The following AGAP1 variants were observed in gnomAD, a reference collection of about 807,000 sequenced individuals.
AGAP1 encodes the protein ArfGAP with GTPase domain, ankyrin repeat and PH domain 1.
A neutral mutation model predicts 105.3 loss-of-function variants in AGAP1; 29 were observed. That is an observed-to-expected ratio of 0.28 (90% CI 0.21 to 0.38). The LOEUF (loss-of-function observed/expected upper bound fraction) is 0.38. Ranked by LOEUF, AGAP1 falls within the 10% of genes least tolerant of loss-of-function variation. The probability of loss-of-function intolerance (pLI) is 1.00; values close to 1 mark genes in which losing one functional copy is unlikely to be tolerated. For missense variants in AGAP1, 998 were observed against 1,165.1 expected, an observed-to-expected ratio of 0.86 and a Z score of 2.09; for synonymous variants, 509 against 485.9, an observed-to-expected ratio of 1.05 and a Z score of -0.63.
At chr2:235,624,275 C>A (rs991418449) in intron 1 of AGAP1, among the ~76,000 whole-genome samples, 1 of 152,192 alleles carries the variant, frequency 6.6e-6, no homozygotes, top group South Asian at 2.1e-4. Flanking sequence ...ATGGAAGAAA[C>A]ACCTACAGAT....
chr2:235,841,673 A>G (rs1960860599), intron 9 of AGAP1, among the ~76,000 whole-genome samples: 1 of 152,196 alleles, frequency 6.6e-6, no homozygotes. Flanking sequence ...CAATTCATAA[A>G]TAATTACCTG....
rs2050312382 is a variant in AGAP1 at position 235,887,200 on chromosome 2, G to A, written c.1155+3751G>A. ...TTGGCTATCTCCAGGATGTATTACG[G>A]CAGAAGGACCACTGAGAGTCATTGG... On this transcript the variant is annotated intron_variant, in intron 10 of 17. Coordinates refer to ENST00000304032, the MANE Select transcript of AGAP1 (RefSeq NM_001037131.3). The surrounding 1 kb of genome is among the most constrained non-coding windows in gnomAD (Gnocchi z 4.1). 6.6e-6 allele frequency among the ~76,000 whole-genome samples: 1 copy of A among 152,130 alleles called. No individual in the cohort carries two copies. Among genetic ancestry groups the A allele is most frequent in the South Asian group, 2.1e-4 (1 of 4,824 alleles).
chr2:235,853,551 G>A (rs2048564505), intron 9 of AGAP1, among the ~76,000 whole-genome samples: 3 of 152,132 alleles, frequency 2.0e-5, no homozygotes, highest in African/African-American at 7.2e-5. Flanking sequence ...TTCTTTGTTA[G>A]CAAGACTAGA....
In AGAP1 at chr2:235,621,927, C is replaced by T. The variant is rs1298597169; in HGVS notation, c.164-87252C>T. On this transcript the variant is annotated intron_variant, in intron 1 of 17. Coordinates refer to ENST00000304032, the MANE Select transcript of AGAP1 (RefSeq NM_001037131.3). This position sits in a 1 kb window ranked among gnomAD's most constrained non-coding sequence, Gnocchi z 4.1. ...CCCCCCCACCCCCTCAGAACAGCGG[C>T]CACTGTGTGGATGTTTCTGACGGCC... is the stretch of plus-strand genomic sequence containing the variant. Among the ~76,000 whole-genome samples, 1 of 151,920 alleles carries T rather than the reference C, an allele frequency of 6.6e-6. No individual in the cohort carries two copies. Among genetic ancestry groups the T allele is most frequent in the Non-Finnish European group, 1.5e-5 (1 of 68,008 alleles).
At chr2:235,681,899 G>GTTT in intron 1 of AGAP1, among the ~76,000 whole-genome samples, 1 of 143,034 alleles carries the variant, frequency 7.0e-6, no homozygotes. Flanking sequence ...CACGCAGGCT[G>GTTT]GAGTGCAGTG....
At position 235,962,403 on chromosome 2, in the gene AGAP1, A is replaced by G. The variant is rs150015998; in HGVS notation, c.1484-6059A>G. 4.0e-3 allele frequency among the ~76,000 whole-genome samples: 609 copies of G among 152,224 alleles called. 4 individuals are homozygous for G. Among genetic ancestry groups the G allele is most frequent in the Non-Finnish European group, 6.6e-3 (446 of 68,008 alleles). On this transcript the variant is annotated intron_variant, in intron 12 of 17. Transcript: ENST00000304032. The surrounding 1 kb of genome is among the most constrained non-coding windows in gnomAD (Gnocchi z 5.3). ...GGGAAACTTACAAGGGTGAGTTTCA[A>G]GTCGTGTGCGATGCTGCCCGGCTGT...
intron 1 of AGAP1, among the ~76,000 whole-genome samples, chr2:235,643,431 C>CAAAAAAAAAAAAAAA (rs56146940): frequency 4.2e-4 from 26 of 61,420 alleles, no homozygotes; most frequent in African/African-American, 1.8e-3. Context: ...GACTGGGTCT[C>CAAAAAAAAAAAAAAA]AAAAAAAAAA....
chr2:235,626,215 G>A (rs941638686), intron 1 of AGAP1, among the ~76,000 whole-genome samples: 5 of 152,040 alleles, frequency 3.3e-5, no homozygotes, highest in Admixed American at 3.3e-4. Context: ...AAAATTAGCC[G>A]GTTATGGTGG....
Position 235,750,970 on chromosome 2 carries a change from A to G in AGAP1, c.673+482A>G, listed in dbSNP as rs1284301108. Among the ~76,000 whole-genome samples the G allele has an allele frequency of 6.6e-6, 1 of 152,182 alleles. No individual in the cohort carries two copies. Among genetic ancestry groups the G allele is most frequent in the Non-Finnish European group, 1.5e-5 (1 of 68,030 alleles). ...CAAAAAAATAATAAAATGACACGATACCACTCACAGCAGAGGGTGAGGACC... is the reference window on the plus strand; with the variant it reads ...CAAAAAAATAATAAAATGACACGATGCCACTCACAGCAGAGGGTGAGGACC... On this transcript the variant is annotated intron_variant, in intron 6 of 17. Transcript: ENST00000304032. This position sits in a 1 kb window ranked among gnomAD's most constrained non-coding sequence, Gnocchi z 5.3.
chr2:235,905,899 ATTCAATAGTAACT>A lies in AGAP1; in HGVS notation c.1156-2835_1156-2823del, dbSNP rs1346703165. ...CCTTCCATCTAGTTTAACAGAGTTA[ATTCAATAGTAACT>A]TTCTTTCTGTCTTTGGTCTACATCC... On this transcript the variant is annotated intron_variant, in intron 10 of 17. Transcript: ENST00000304032. This position sits in a 1 kb window ranked among gnomAD's most constrained non-coding sequence, Gnocchi z 4.2. 1.3e-5 allele frequency among the ~76,000 whole-genome samples: 2 copies of A among 152,224 alleles called. No individual in the cohort carries two copies. Among genetic ancestry groups the A allele is most frequent in the Admixed American group, 1.3e-4 (2 of 15,280 alleles).
chr2:235,974,755 T>G (rs1175789662), intron 13 of AGAP1, among the ~76,000 whole-genome samples: 1 of 152,210 alleles, frequency 6.6e-6, no homozygotes, highest in Non-Finnish European at 1.5e-5. Context: ...GGACTTAGTT[T>G]CCCTTCACTC....
At chr2:235,968,353 C>A in intron 12 of AGAP1, 109 bp from the exon 13 acceptor site, 2 of 1,359,020 alleles carry the variant, frequency 1.5e-6, no homozygotes, top group Non-Finnish European at 2.0e-6. Flanking sequence ...ATTTGCAGGG[C>A]CTGTGTGGTA....
At chr2:235,767,128 C>G (rs1264432174) in intron 6 of AGAP1, among the ~76,000 whole-genome samples, 1 of 152,092 alleles carries the variant, frequency 6.6e-6, no homozygotes, top group African/African-American at 2.4e-5. Context: ...CCAGGCTGGT[C>G]TCAAACTCCT....
chr2:235,538,460 T>TGTGTGTGTGTGC (rs1553561884), intron 1 of AGAP1, among the ~76,000 whole-genome samples: 2,862 of 150,452 alleles, frequency 0.019, 100 homozygotes, highest in African/African-American at 0.067. Flanking sequence ...TGTGTGTGTG[T>TGTGTGTGTGTGC]GCATGCTTGT....
chr2:235,801,261 C>G lies in AGAP1; in HGVS notation c.957+1739C>G, dbSNP rs1282437503. Among the ~76,000 whole-genome samples, 1 of 152,136 alleles carries G rather than the reference C, an allele frequency of 6.6e-6. No individual in the cohort carries two copies. The highest frequency in any genetic ancestry group is 1.9e-4 in the East Asian group (1 of 5,174). The stretch of plus-strand genomic sequence containing the variant: ...ACCTTAGGCAAATTACTTGACCTCT[C>G]TGGGCTGGAAACCATAGTACTTCTG... On this transcript the variant is annotated intron_variant, in intron 8 of 17. Coordinates refer to ENST00000304032, the MANE Select transcript of AGAP1 (RefSeq NM_001037131.3). The surrounding 1 kb of genome is among the most constrained non-coding windows in gnomAD (Gnocchi z 6.0).
chr2:235,691,213 C>T lies in AGAP1; in HGVS notation c.164-17966C>T, dbSNP rs1217631018. 2.6e-5 allele frequency among the ~76,000 whole-genome samples: 4 copies of T among 152,166 alleles called. No homozygotes were observed. The highest frequency in any genetic ancestry group is 7.2e-5 in the African/African-American group (3 of 41,452). ...GCTCTGGGCTGCTGGATGCTGGTGC[C>T]TTTTCCCACCGTCAATCAAGCACAT... On this transcript the variant is annotated intron_variant, in intron 1 of 17. Coordinates refer to ENST00000304032, the MANE Select transcript of AGAP1 (RefSeq NM_001037131.3). The surrounding 1 kb of genome is among the most constrained non-coding windows in gnomAD (Gnocchi z 4.4).
intron 13 of AGAP1, among the ~76,000 whole-genome samples, chr2:236,029,054 G>A (rs2057141167): frequency 6.6e-6 from 1 of 152,024 alleles, no homozygotes; most frequent in Non-Finnish European, 1.5e-5. Flanking sequence ...TCTCCCAGTA[G>A]AGCAGTACAA....
chr2:236,049,600 A>G (rs1300973399), intron 16 of AGAP1: 1 of 187,548 alleles, frequency 5.3e-6, no homozygotes, highest in African/African-American at 2.3e-5. Context: ...CTGTGCCGTT[A>G]ACACTAATTA....
At position 236,036,995 on chromosome 2, in the gene AGAP1, G is replaced by C. The variant is rs1034350478; in HGVS notation, c.1800+280G>C. Among the ~76,000 whole-genome samples the C allele has an allele frequency of 1.6e-4, 25 of 152,198 alleles. No homozygotes were observed. The highest frequency in any genetic ancestry group is 6.0e-4 in the African/African-American group (25 of 41,456). ...CCCAGAGGGAATCTTTTGGACTCTT[G>C]TGGCTTCTGGGTCCACATTTATTTT... is the stretch of plus-strand genomic sequence containing the variant. On this transcript the variant is annotated intron_variant, in intron 14 of 17. Coordinates refer to ENST00000304032, the MANE Select transcript of AGAP1 (RefSeq NM_001037131.3). This position sits in a 1 kb window ranked among gnomAD's most constrained non-coding sequence, Gnocchi z 5.7.
Sources: allele counts gnomAD v4.1 joint callset (sites outside exome capture counted in the v4.1 genomes callset), GRCh38; gene constraint gnomAD v4.1.1; non-coding constraint Gnocchi (gnomAD v3.1); transcripts MANE v1.5; gene names NCBI Gene and HGNC (gene_info 2026-07-23, HGNC 2026-07-21).